Variants in LRRTM4 observed in about 807,000 individuals in gnomAD.
LRRTM4 encodes the protein leucine-rich repeat transmembrane neuronal protein 4.
In LRRTM4, 25 loss-of-function variants were observed where a neutral mutation model predicts 47.6. That is an observed-to-expected ratio of 0.53 (90% CI 0.38 to 0.73). The LOEUF is 0.73. Among genes scored for constraint, LRRTM4 ranks in the 30% least tolerant of loss-of-function variants. LRRTM4 has a pLI of 0.00. For synonymous variants in LRRTM4, 311 were observed against 269.5 expected, an observed-to-expected ratio of 1.15 and a Z score of -1.51; for missense variants, 638 against 713.4, an observed-to-expected ratio of 0.89 and a Z score of 1.20.
intron 3 of LRRTM4, among the ~76,000 whole-genome samples, chr2:76,824,746 G>T (rs1252869030): frequency 6.6e-6 from 1 of 151,644 alleles, no homozygotes; most frequent in Non-Finnish European, 1.5e-5. Context: ...TCCAGAGGCA[G>T]ATAAAGATGA....
chr2:77,407,889 T>C (rs1165896186), intron 3 of LRRTM4, among the ~76,000 whole-genome samples: 1 of 151,258 alleles, frequency 6.6e-6, no homozygotes, highest in Non-Finnish European at 1.5e-5. Context: ...GATCTGAGTG[T>C]AGCTTTTGAA....
Position 76,807,235 on chromosome 2 carries a change from G to A in LRRTM4, c.1552-58319C>T, listed in dbSNP as rs146789264. Among the ~76,000 whole-genome samples, 422 of 151,604 alleles carry A rather than the reference G, an allele frequency of 2.8e-3. 6 individuals carry two copies. Among genetic ancestry groups the A allele is most frequent in the African/African-American group, 9.7e-3 (401 of 41,350 alleles). ...TAGTCACTGAAATATTATAAAGTACGACAAATTTTCAACTGCAAGGACAAG... is the reference window on the plus strand; with the variant it reads ...TAGTCACTGAAATATTATAAAGTACAACAAATTTTCAACTGCAAGGACAAG... On this transcript the variant is annotated intron_variant, in intron 3 of 3. Coordinates refer to ENST00000409884, the MANE Select transcript of LRRTM4 (RefSeq NM_001134745.3).
chr2:77,116,213 A>G (rs1671384792), intron 3 of LRRTM4, among the ~76,000 whole-genome samples: 1 of 152,086 alleles, frequency 6.6e-6, no homozygotes, highest in South Asian at 2.1e-4. Flanking sequence ...CTGAATTCTG[A>G]ATGAACAACC....
At chr2:77,301,417 A>G (rs928812065) in intron 3 of LRRTM4, among the ~76,000 whole-genome samples, 4 of 152,244 alleles carry the variant, frequency 2.6e-5, no homozygotes, top group East Asian at 3.9e-4. Context: ...ATGGCATTTC[A>G]TGAGGTTTTC....
At chr2:77,253,929 G>A (rs7568946) in intron 3 of LRRTM4, among the ~76,000 whole-genome samples, 9,882 of 152,032 alleles carry the variant, frequency 0.065, 1,036 homozygotes, top group African/African-American at 0.22. Flanking sequence ...ATAGAGAAGA[G>A]TTGAAAAGAT....
In LRRTM4 at chr2:77,039,325, T is replaced by G. The variant is rs905903405; in HGVS notation, c.1552-290409A>C. Reference sequence around the variant, plus strand: ...TTTCAAATGTTTTTAAAATTGTAAGTCTTTTTTTTTTTTTAAATGAAGGCA... The same window carrying G: ...TTTCAAATGTTTTTAAAATTGTAAGGCTTTTTTTTTTTTTAAATGAAGGCA... On this transcript the variant is annotated intron_variant, in intron 3 of 3. Coordinates refer to ENST00000409884, the MANE Select transcript of LRRTM4 (RefSeq NM_001134745.3). Among the ~76,000 whole-genome samples, 4 of 73,572 alleles carry G rather than the reference T, an allele frequency of 5.4e-5. No individual in the cohort carries two copies. In the African/African-American group the frequency reaches 5.6e-4, roughly 10 times the overall value. 48.3% of individuals were successfully genotyped at this position (73,572 alleles called of 152,430 possible). A position where few individuals can be genotyped will look rare whatever the true frequency, so the allele number is the denominator to read the frequency against.
At chr2:76,962,081 C>T (rs1675878923) in intron 3 of LRRTM4, among the ~76,000 whole-genome samples, 1 of 151,112 alleles carries the variant, frequency 6.6e-6, no homozygotes, top group Admixed American at 6.6e-5. Context: ...TATAGAGTCT[C>T]TACTGTAACT....
At chr2:76,837,270 C>T (rs1671541229) in intron 3 of LRRTM4, among the ~76,000 whole-genome samples, 1 of 148,854 alleles carries the variant, frequency 6.7e-6, no homozygotes, top group Non-Finnish European at 1.5e-5. Flanking sequence ...TGATTCTTCT[C>T]TCTTTTTTTA....
chr2:77,319,537 G>T (rs1379077454), intron 3 of LRRTM4, among the ~76,000 whole-genome samples: 2 of 152,178 alleles, frequency 1.3e-5, no homozygotes, highest in African/African-American at 4.8e-5. Context: ...GGAGTAAGTG[G>T]TTCAGGAACC....
chr2:76,890,027 A>AG (rs1558716815), intron 3 of LRRTM4, among the ~76,000 whole-genome samples: 1 of 151,988 alleles, frequency 6.6e-6, no homozygotes, highest in Non-Finnish European at 1.5e-5. Flanking sequence ...CTAGAAAAAA[A>AG]GATTTGAGAT....
chr2:77,298,744 CTAAT>C (rs1384076466), intron 3 of LRRTM4, among the ~76,000 whole-genome samples: 2 of 152,114 alleles, frequency 1.3e-5, no homozygotes, highest in Non-Finnish European at 2.9e-5. Flanking sequence ...TTGTAATTAA[CTAAT>C]TAATCTTCCA....
intron 3 of LRRTM4, among the ~76,000 whole-genome samples, chr2:76,912,769 A>T (rs1220926105): frequency 2.0e-4 from 30 of 152,044 alleles, no homozygotes; most frequent in Non-Finnish European, 4.4e-5. Flanking sequence ...ATAGTGAGTT[A>T]TTGTGAGATC....
At chr2:77,310,134 A>T (rs1034241871) in intron 3 of LRRTM4, among the ~76,000 whole-genome samples, 1 of 152,194 alleles carries the variant, frequency 6.6e-6, no homozygotes, top group Non-Finnish European at 1.5e-5. Flanking sequence ...AAATGAAGTT[A>T]TAAAACTATA....
chr2:76,789,581 T>A (rs1296231699), intron 3 of LRRTM4, among the ~76,000 whole-genome samples: 2 of 152,190 alleles, frequency 1.3e-5, no homozygotes, highest in Non-Finnish European at 2.9e-5. Context: ...ATAGGTTGTA[T>A]TTGTTTGTTT....
intron 3 of LRRTM4, among the ~76,000 whole-genome samples, chr2:77,059,425 C>A (rs1679713711): frequency 6.6e-6 from 1 of 151,786 alleles, no homozygotes; most frequent in African/African-American, 2.4e-5. Flanking sequence ...AACCAAATAA[C>A]AAGAAACTAA....
chr2:77,497,646 C>T (rs1409544750), intron 3 of LRRTM4, among the ~76,000 whole-genome samples: 2 of 150,740 alleles, frequency 1.3e-5, no homozygotes, highest in Non-Finnish European at 3.0e-5. Context: ...CATATACATG[C>T]ATATACACAT....
chr2:77,131,915 A>G (rs981063789), intron 3 of LRRTM4, among the ~76,000 whole-genome samples: 1 of 152,162 alleles, frequency 6.6e-6, no homozygotes, highest in Non-Finnish European at 1.5e-5. Flanking sequence ...GGTACATGTG[A>G]TATTTTGTTA....
rs1675468059 is a variant in LRRTM4 at position 77,247,064 on chromosome 2, T to C, written c.1551+271254A>G. 2.0e-5 allele frequency among the ~76,000 whole-genome samples: 3 copies of C among 152,102 alleles called. No individual in the cohort carries two copies. In the South Asian group the frequency reaches 6.2e-4, roughly 31 times the overall value. On this transcript the variant is annotated intron_variant, in intron 3 of 3. Transcript: ENST00000409884. ...TTTCACCTCTGTGATCTATGCAATTTTTACTTCATTTTCTAAATAAGGATG... is the reference window on the plus strand; with the variant it reads ...TTTCACCTCTGTGATCTATGCAATTCTTACTTCATTTTCTAAATAAGGATG...
At chr2:76,911,837 T>G (rs1674067776) in intron 3 of LRRTM4, among the ~76,000 whole-genome samples, 1 of 151,082 alleles carries the variant, frequency 6.6e-6, no homozygotes, top group Non-Finnish European at 1.5e-5. Flanking sequence ...CCTGTGTGTG[T>G]GTATATTTGT....
Sources: allele counts gnomAD v4.1 joint callset (sites outside exome capture counted in the v4.1 genomes callset), GRCh38; gene constraint gnomAD v4.1.1; transcripts MANE v1.5; gene names NCBI Gene and HGNC (gene_info 2026-07-23, HGNC 2026-07-21).